ZNF536: variants seen among roughly 807,000 people sequenced by gnomAD.
ZNF536 encodes zinc finger protein 536.
ZNF536 carries 13 observed loss-of-function variants against 84.5 expected under a neutral mutation model. The observed-to-expected ratio is 0.15, with a 90% CI of 0.10 to 0.24. The LOEUF is 0.24. Among genes scored for constraint, ZNF536 ranks in the 10% least tolerant of loss-of-function variants. ZNF536 has a pLI of 1.00. For synonymous variants in ZNF536, 811 were observed against 742.5 expected (o/e 1.09, Z -1.50); for missense variants, 1,536 against 1,747.5 (o/e 0.88, Z 2.16).
At chr19:30,649,894 CT>C (rs1158567996) in intron 1 of ZNF536, among the ~76,000 whole-genome samples, 1 of 137,748 alleles carries the variant, frequency 7.3e-6, no homozygotes, top group Non-Finnish European at 1.5e-5. Context: ...AGTATATTTG[CT>C]TTGATAATCT....
intron 1 of ZNF536, chr19:30,436,549 GTAA>G: frequency 2.0e-6 from 2 of 981,826 alleles, no homozygotes; most frequent in Non-Finnish European, 2.4e-6. Context: ...GTTTATTTTT[GTAA>G]TAATGTTTAC....
At chr19:30,387,208 G>A (rs772667249) in intron 1 of ZNF536, among the ~76,000 whole-genome samples, 9 of 152,214 alleles carry the variant, frequency 5.9e-5, no homozygotes, top group Non-Finnish European at 1.2e-4. Flanking sequence ...GTACCAGAGG[G>A]AGGCCTGGAT....
intron 1 of ZNF536, among the ~76,000 whole-genome samples, chr19:30,620,672 C>G (rs560674313): frequency 6.6e-6 from 1 of 152,308 alleles, no homozygotes; most frequent in Non-Finnish European, 1.5e-5. Flanking sequence ...GGGGTGTCAA[C>G]TCATTGGACA....
intron 3 of ZNF536, among the ~76,000 whole-genome samples, chr19:30,539,114 A>G (rs1422950689): frequency 6.7e-6 from 1 of 150,206 alleles, no homozygotes; most frequent in African/African-American, 2.5e-5. Context: ...AAAAGGAGAT[A>G]TGCACCCCCC....
chr19:30,548,562 G>T lies in ZNF536; in HGVS notation c.2943G>T (p.Arg981=). 1 of 1,614,120 alleles carries T rather than the reference G, an allele frequency of 6.2e-7. No homozygotes were observed. The highest frequency in any genetic ancestry group is 8.5e-7 in the Non-Finnish European group (1 of 1,180,036). The change falls in exon 4 of 5, where the codon CGG becomes CGT. Residue 981 remains arginine (R), a synonymous_variant. Coordinates refer to ENST00000355537, the MANE Select transcript of ZNF536 (RefSeq NM_014717.3). The part of the protein sequence containing the change: ...SQYEPLDLSV[R]PDAASLPGSS... ...ATGAACCCCTGGACTTGTCTGTGCG[G>T]CCAGATGCCGCCTCCCTCCCGGGCT... is the stretch of plus-strand genomic sequence containing the variant.
intron 1 of ZNF536, among the ~76,000 whole-genome samples, chr19:30,653,885 C>T (rs1029226232): frequency 1.3e-5 from 2 of 152,174 alleles, no homozygotes; most frequent in Non-Finnish European, 2.9e-5. Flanking sequence ...GTGGAGGCTG[C>T]GTGCCCCCCT....
chr19:30,661,255 T>C (rs1340478316), intron 1 of ZNF536, among the ~76,000 whole-genome samples: 1 of 152,254 alleles, frequency 6.6e-6, no homozygotes, highest in Non-Finnish European at 1.5e-5. Context: ...TGTAAGAGAC[T>C]ACATTGACTG....
Position 30,664,207 on chromosome 19 carries a change from TCTCTCTCTCTCTCTCTCTCTCTC to T in ZNF536, c.170-46549_170-46527del, listed in dbSNP as rs2050227568. Among the ~76,000 whole-genome samples, 12 of 4,744 alleles carry T rather than the reference TCTCTCTCTCTCTCTCTCTCTCTC, an allele frequency of 2.5e-3. No homozygotes were observed. The Admixed American group carries it at 0.034, about 13-fold the overall frequency. The allele number at this position is 4,744 out of a possible 152,430, so 3.1% of individuals were successfully genotyped here. Reference sequence around the variant, plus strand: ...CTAGAGGAATTCTTGCTGAGTTTTCTCTCTCTCTCTCTCTCTCTCTCTCTCTCTCTCTCTCTCTCTCTCTCTCT... The same window carrying T: ...CTAGAGGAATTCTTGCTGAGTTTTCTTCTCTCTCTCTCTCTCTCTCTCTCT... On this transcript the variant is annotated intron_variant, in intron 1 of 1. Transcript: ENST00000592773.
At chr19:30,334,122 G>T (rs750730040) in intron 2 of ZNF536, among the ~76,000 whole-genome samples, 9 of 152,308 alleles carry the variant, frequency 5.9e-5, no homozygotes, top group Middle Eastern at 3.4e-3. Context: ...CATCACTGGA[G>T]CATGGTAGCA....
chr19:30,338,904 C>G (rs1003435462), intron 2 of ZNF536, among the ~76,000 whole-genome samples: 3 of 152,308 alleles, frequency 2.0e-5, no homozygotes, highest in African/African-American at 7.2e-5. Flanking sequence ...AGTGGGGACA[C>G]AGTGCCTGCT....
chr19:30,569,211 G>C (rs2046452475), intron 1 of ZNF536, among the ~76,000 whole-genome samples: 1 of 151,888 alleles, frequency 6.6e-6, no homozygotes, highest in Non-Finnish European at 1.5e-5. Context: ...TTTTTTTTGT[G>C]TTGAGGTATA....
rs138337461 is a variant in ZNF536 at position 30,248,870 on chromosome 19, C to G, written c.-190+20197C>G. Among the ~76,000 whole-genome samples the G allele has an allele frequency of 6.1e-4, 93 of 152,166 alleles. 1 individual carries two copies. Among genetic ancestry groups the G allele is most frequent in the Middle Eastern group, 3.4e-3 (1 of 294 alleles). On this transcript the variant is annotated intron_variant, in intron 1 of 5. Coordinates refer to the ZNF536 transcript ENST00000585628. ...TCCTTTTGTCTTTTTAGCACCCCTC[C>G]CCCAGAAGTTGGGTGACATTTTAAG...
intron 2 of ZNF536, among the ~76,000 whole-genome samples, chr19:30,467,990 G>A (rs2053486049): frequency 6.6e-6 from 1 of 152,254 alleles, no homozygotes. Context: ...GAGGGAAGGG[G>A]AGGGTGTGAC....
Position 30,548,200 on chromosome 19 carries a change from T to A in ZNF536, c.2581T>A (p.Ser861Thr), listed in dbSNP as rs772356678. The A allele has an allele frequency of 6.2e-7, 1 of 1,614,186 alleles. No individual in the cohort carries two copies. The highest frequency in any genetic ancestry group is 8.5e-7 in the Non-Finnish European group (1 of 1,180,024). Reference sequence around the variant, plus strand: ...AGGCCCTGCATCTCAGCAGTGGACATCAGGGGTTCTCTCCTCTGGAGATCA... The same window carrying A: ...AGGCCCTGCATCTCAGCAGTGGACAACAGGGGTTCTCTCCTCTGGAGATCA... Reference protein sequence around the residue: ...RGGPASQQWTSGVLSSGDHSG... With the variant: ...RGGPASQQWTTGVLSSGDHSG... The change falls in exon 4 of 5, where the codon TCA becomes ACA. Residue 861 changes from serine to threonine, a missense_variant. By Grantham distance (58) the Ser-to-Thr change is moderately conservative. Around this residue, in one of 8 missense-constraint regions of ZNF536, gnomAD observed 624 missense variants for 603.1 expected, o/e 1.03. Transcript: ENST00000355537.
In ZNF536 at chr19:30,519,768, C is replaced by T. The variant is rs1043285350; in HGVS notation, c.2171-15079C>T. ...CCATTCATTCATTCATTCATTCATT[C>T]GGCTGGTCACCAGTATTTATTGAAC... On this transcript the variant is annotated intron_variant, in intron 2 of 4. Coordinates refer to ENST00000355537, the MANE Select transcript of ZNF536 (RefSeq NM_014717.3). 5.9e-5 allele frequency among the ~76,000 whole-genome samples: 9 copies of T among 152,084 alleles called. No individual in the cohort carries two copies. In the East Asian group the frequency reaches 7.7e-4, roughly 13 times the overall value.
In ZNF536 at chr19:30,376,413, C is replaced by G. The variant is rs548265551; in HGVS notation, c.-3+3857C>G. Among the ~76,000 whole-genome samples, 2 of 152,304 alleles carry G rather than the reference C, an allele frequency of 1.3e-5. 1 individual carries two copies. Among genetic ancestry groups the G allele is most frequent in the South Asian group, 4.1e-4 (2 of 4,822 alleles). ...CTTGCCATTTGCTCCACCCCAGCCC[C>G]CTGCCTCCCACTACTTATACCAGAT... is the stretch of plus-strand genomic sequence containing the variant. On this transcript the variant is annotated intron_variant, in intron 1 of 4. Coordinates refer to ENST00000355537, the MANE Select transcript of ZNF536 (RefSeq NM_014717.3).
chr19:30,354,629 G>T (rs766780475), intron 3 of ZNF536, among the ~76,000 whole-genome samples: 34 of 152,304 alleles, frequency 2.2e-4, no homozygotes, highest in Non-Finnish European at 3.4e-4. Context: ...GCCACATAAA[G>T]GTAGGGAGAT....
At chr19:30,692,044 G>T (rs2051433852) in intron 1 of ZNF536, among the ~76,000 whole-genome samples, 1 of 152,236 alleles carries the variant, frequency 6.6e-6, no homozygotes, top group African/African-American at 2.4e-5. Flanking sequence ...CGGATCCCAG[G>T]CTGCCCTTAA....
At chr19:30,522,369 A>C (rs1345486889) in intron 2 of ZNF536, among the ~76,000 whole-genome samples, 1 of 148,402 alleles carries the variant, frequency 6.7e-6, no homozygotes, top group African/African-American at 2.5e-5. Flanking sequence ...TTTATTCAAA[A>C]AAATTTTTTA....
Sources: allele counts gnomAD v4.1 joint callset (sites outside exome capture counted in the v4.1 genomes callset), GRCh38; gene constraint gnomAD v4.1.1; regional missense constraint gnomAD v4.1.1; transcripts MANE v1.5; gene names NCBI Gene and HGNC (gene_info 2026-07-23, HGNC 2026-07-21).